Variants in ESRRB observed in about 807,000 individuals in gnomAD.
The protein encoded by ESRRB is steroid hormone receptor ERR2.
In ESRRB, 16 loss-of-function variants were observed where a neutral mutation model predicts 46.0. The observed-to-expected ratio is 0.35, with a 90% confidence interval of 0.24 to 0.53. The LOEUF is 0.53. ESRRB is among the 20% of genes least tolerant of loss of function. ESRRB has a pLI of 0.93. For synonymous variants in ESRRB, 246 were observed against 259.6 expected, an observed-to-expected ratio of 0.95 and a Z score of 0.50; for missense variants, 488 against 607.4, an observed-to-expected ratio of 0.80 and a Z score of 2.07.
At chr14:76,435,705 C>T (rs1240443389) in intron 1 of ESRRB, among the ~76,000 whole-genome samples, 1 of 152,172 alleles carries the variant, frequency 6.6e-6, no homozygotes. Flanking sequence ...GTGGCGGGAG[C>T]CTGTAATTCC....
At chr14:76,432,886 G>A (rs533576937) in intron 1 of ESRRB, among the ~76,000 whole-genome samples, 166 of 152,022 alleles carry the variant, frequency 1.1e-3, no homozygotes, top group Non-Finnish European at 2.0e-3. Flanking sequence ...TGTTGACCAG[G>A]CTGGTCTTGA....
intron 1 of ESRRB, among the ~76,000 whole-genome samples, chr14:76,408,608 A>G (rs1032913074): frequency 1.3e-5 from 2 of 151,052 alleles, no homozygotes; most frequent in Non-Finnish European, 3.0e-5. Flanking sequence ...AAAAAAAAAA[A>G]AAAAAAAAAA....
At chr14:76,446,165 C>T (rs8016496) in intron 2 of ESRRB, among the ~76,000 whole-genome samples, 14,269 of 152,142 alleles carry the variant, frequency 0.094, 1,247 homozygotes, top group African/African-American at 0.23. Flanking sequence ...GCTGCTTGAG[C>T]GTTACAACAG....
intron 1 of ESRRB, among the ~76,000 whole-genome samples, chr14:76,333,135 T>TTA (rs1884070582): frequency 2.7e-4 from 2 of 7,316 alleles, no homozygotes; most frequent in Non-Finnish European, 2.4e-4. Flanking sequence ...ATATTATATA[T>TTA]TATATATTAT....
intron 1 of ESRRB, among the ~76,000 whole-genome samples, chr14:76,358,390 A>G (rs1191083071): frequency 1.8e-5 from 2 of 111,108 alleles, no homozygotes; most frequent in African/African-American, 3.2e-5. Flanking sequence ...AAAGAAAGAA[A>G]GAAAGAAAGA....
chr14:76,406,631 G>A (rs1886198259), intron 1 of ESRRB, among the ~76,000 whole-genome samples: 1 of 152,180 alleles, frequency 6.6e-6, no homozygotes, highest in Admixed American at 6.5e-5. Flanking sequence ...TGTAATCCCA[G>A]CTACTTGGGA....
At chr14:76,363,639 C>T (rs908602269) in intron 1 of ESRRB, among the ~76,000 whole-genome samples, 2 of 152,216 alleles carry the variant, frequency 1.3e-5, no homozygotes, top group African/African-American at 4.8e-5. Context: ...AATACATGGA[C>T]AGTGAGGAGA....
intron 1 of ESRRB, among the ~76,000 whole-genome samples, chr14:76,436,776 G>A (rs1279149663): frequency 2.6e-5 from 4 of 152,162 alleles, no homozygotes; most frequent in African/African-American, 7.2e-5. Context: ...GGGCCTGGAG[G>A]AGATTCTCAA....
In ESRRB at chr14:76,485,268, C is replaced by T. The variant is rs1362409845; in HGVS notation, c.850+2509C>T. On this transcript the variant is annotated intron_variant, in intron 5 of 6. Coordinates refer to ENST00000644823, the MANE Select transcript of ESRRB (RefSeq NM_001379180.1). ...TTTTTTTTTTTTTTTGAGATGGAGT[C>T]TCCGCTCTCTTGCCTAGGCTGGAGT... Among the ~76,000 whole-genome samples, 5 of 118,742 alleles carry T rather than the reference C, an allele frequency of 4.2e-5. No individual in the cohort carries two copies. In the East Asian group the frequency reaches 1.3e-3, roughly 31 times the overall value. The allele number at this position is 118,742 out of a possible 152,430, so 77.9% of individuals were successfully genotyped here. A position where few individuals can be genotyped will look rare whatever the true frequency, so the allele number is the denominator to read the frequency against.
chr14:76,406,715 G>A (rs990640239), intron 1 of ESRRB, among the ~76,000 whole-genome samples: 1 of 152,142 alleles, frequency 6.6e-6, no homozygotes, highest in Non-Finnish European at 1.5e-5. Context: ...TTGCACTCCA[G>A]CCTGGGCAAC....
chr14:76,425,046 G>T (rs996234077), intron 1 of ESRRB, among the ~76,000 whole-genome samples: 7 of 152,108 alleles, frequency 4.6e-5, no homozygotes, highest in African/African-American at 9.7e-5. Context: ...ACTGCGCCTG[G>T]CCTGATGCTC....
At chr14:76,367,647 G>A (rs1194871674), upstream of ESRRB, among the ~76,000 whole-genome samples, 1 of 152,124 alleles carries the variant, frequency 6.6e-6, no homozygotes, top group African/African-American at 2.4e-5. Context: ...GAACTTCTGG[G>A]TGCCATCATC....
intron 1 of ESRRB, among the ~76,000 whole-genome samples, chr14:76,413,193 G>A (rs1170643413): frequency 1.3e-5 from 2 of 152,154 alleles, no homozygotes; most frequent in Non-Finnish European, 2.9e-5. Flanking sequence ...AAGCTGCACC[G>A]CAGTGCTGTT....
At chr14:76,328,612 C>T (rs896887411) in intron 1 of ESRRB, among the ~76,000 whole-genome samples, 2 of 151,118 alleles carry the variant, frequency 1.3e-5, no homozygotes, top group African/African-American at 4.9e-5. Context: ...CCCTTGAGTC[C>T]CATGCACCAG....
chr14:76,347,444 ACACC>A (rs1315046369), intron 1 of ESRRB, among the ~76,000 whole-genome samples: 1 of 20,474 alleles, frequency 4.9e-5, no homozygotes. Context: ...TCACACACAC[ACACC>A]GAGAAAACTA....
At chr14:76,395,770 T>G (rs1232997092) in intron 1 of ESRRB, among the ~76,000 whole-genome samples, 6 of 147,826 alleles carry the variant, frequency 4.1e-5, no homozygotes, top group Non-Finnish European at 8.9e-5. Flanking sequence ...AAAGTATTAT[T>G]TAATTAGGAG....
intron 1 of ESRRB, among the ~76,000 whole-genome samples, chr14:76,311,824 G>A (rs1233274774): frequency 6.6e-6 from 1 of 152,224 alleles, no homozygotes; most frequent in Admixed American, 6.5e-5. Context: ...CCCGGCCACA[G>A]TCCTGTGTCC....
chr14:76,332,737 T>A (rs192144149), intron 1 of ESRRB, among the ~76,000 whole-genome samples: 4 of 19,526 alleles, frequency 2.0e-4, no homozygotes, highest in South Asian at 2.6e-3. Context: ...ATTTATATAT[T>A]ATATATTTAT....
In ESRRB at chr14:76,501,097, C is replaced by G. The variant is rs886050807; in HGVS notation, c.*2639C>G. The G allele has an allele frequency of 9.2e-5, 26 of 283,016 alleles. No homozygotes were observed. The highest frequency in any genetic ancestry group is 4.7e-5 in the Non-Finnish European group (7 of 149,010). The allele number at this position is 283,016 out of a possible 1,614,324, so 17.5% of individuals were successfully genotyped here. On this transcript the variant is annotated 3_prime_UTR_variant, in exon 7 of 7. Coordinates refer to ENST00000644823, the MANE Select transcript of ESRRB (RefSeq NM_001379180.1). ...TGAGGAGAGTTTAGGGGAACCTTCC[C>G]CCAGTGGAACAGATCTCAAGTTTAC...
Sources: gnomAD v4.1 joint callset for allele counts (sites outside exome capture counted in the v4.1 genomes callset) on GRCh38, gnomAD v4.1.1 for gene constraint, MANE v1.5 for transcripts, NCBI Gene and HGNC (gene_info 2026-07-23, HGNC 2026-07-21) for gene names.